The following UTY variants were observed in gnomAD, a reference collection of about 807,000 sequenced individuals.
The protein encoded by UTY is ubiquitously transcribed tetratricopeptide repeat containing, Y-linked, also known as histone demethylase UTY.
In UTY, 12 loss-of-function variants were observed where a neutral mutation model predicts 32.5. The observed-to-expected ratio is 0.37, with a 90% CI of 0.24 to 0.60. UTY has a LOEUF of 0.60. UTY is among the 20% of genes least tolerant of loss of function. UTY has a pLI of 0.69. For synonymous variants in UTY, 131 were observed against 103.4 expected (o/e 1.27, Z -1.62); for missense variants, 303 against 299.2 (o/e 1.01, Z -0.09).
intron 4 of UTY, among the ~76,000 whole-genome samples, chrY:13,424,830 A>C: frequency 2.9e-5 from 1 of 34,217 alleles, no homozygotes; most frequent in Non-Finnish European, 7.3e-5. Context: ...GCTAACAAAA[A>C]GAAAACTATG....
At chrY:13,439,522 C>CT (rs2074985710) in intron 4 of UTY, among the ~76,000 whole-genome samples, 1 of 33,204 alleles carries the variant, frequency 3.0e-5, no homozygotes. Flanking sequence ...AAGCTGCACA[C>CT]TGCGCACCAT....
At chrY:13,339,647 T>C in intron 17 of UTY, among the ~76,000 whole-genome samples, 1 of 32,721 alleles carries the variant, frequency 3.1e-5, no homozygotes, top group Non-Finnish European at 7.5e-5. Context: ...GCGGGAGGTG[T>C]GTGAAAGTGT....
chrY:13,342,859 C>A, intron 17 of UTY, among the ~76,000 whole-genome samples: 1 of 33,705 alleles, frequency 3.0e-5, no homozygotes, highest in Non-Finnish European at 7.4e-5. Flanking sequence ...CGAAAAGAGA[C>A]TGTTTGTAGC....
intron 28 of UTY, among the ~76,000 whole-genome samples, chrY:13,235,450 G>A: frequency 3.0e-5 from 1 of 33,788 alleles, no homozygotes; most frequent in Non-Finnish European, 7.4e-5. Flanking sequence ...TGGCCCTGTG[G>A]AGTGTGCAGC....
intron 28 of UTY, among the ~76,000 whole-genome samples, chrY:13,257,997 C>T: frequency 3.0e-5 from 1 of 33,448 alleles, no homozygotes; most frequent in African/African-American, 1.2e-4. Flanking sequence ...ATGGCTGACA[C>T]AGAGAACAAT....
chrY:13,473,010 G>GGCTGTGATTA (rs1286690316), intron 2 of UTY, among the ~76,000 whole-genome samples: 98 of 34,098 alleles, frequency 2.9e-3, no homozygotes, highest in Non-Finnish European at 5.5e-3. Context: ...TGTAATCCCA[G>GGCTGTGATTA]CACTTTGGGA....
chrY:13,279,665 T>G (rs2056899185), intron 27 of UTY, among the ~76,000 whole-genome samples: 1 of 33,367 alleles, frequency 3.0e-5, no homozygotes, highest in Non-Finnish European at 7.4e-5. Context: ...AACTCCTCAA[T>G]GCCCAGACAT....
chrY:13,330,866 T>C, intron 18 of UTY, among the ~76,000 whole-genome samples: 1 of 33,525 alleles, frequency 3.0e-5, no homozygotes, highest in African/African-American at 1.2e-4. Context: ...CCTTTGGCAG[T>C]GCTAAGGAGG....
chrY:13,393,760 A>G, intron 8 of UTY, 99 bp downstream of exon 8: 5 of 195,682 alleles, frequency 2.6e-5, no homozygotes, highest in East Asian at 1.2e-4. Context: ...ATCGTCTAAT[A>G]TATTTATTTC....
chrY:13,328,967 A>T, intron 18 of UTY, among the ~76,000 whole-genome samples: 1 of 33,715 alleles, frequency 3.0e-5, no homozygotes, highest in African/African-American at 1.2e-4. Context: ...TTGCAAAAAA[A>T]TTATCATCAC....
chrY:13,271,970 C>CAA (rs2148529637), intron 27 of UTY, among the ~76,000 whole-genome samples: 1 of 33,747 alleles, frequency 3.0e-5, no homozygotes, highest in Non-Finnish European at 7.4e-5. Flanking sequence ...GGAATGTAGA[C>CAA]AGTCTCAAGA....
rs2054010634 is a variant in UTY at position 13,249,813 on chromosome Y, C to T, written c.*43G>A. The stretch of plus-strand genomic sequence containing the variant: ...ACAAAACCAGTGGTGCAGAAATTTC[C>T]TGAAGAGCAGAAATAATCTCATTTA... On this transcript the variant is annotated 3_prime_UTR_variant, in exon 30 of 30. Coordinates refer to ENST00000545955, the MANE Select transcript of UTY (RefSeq NM_001258249.2). 2 of 225,702 alleles carry T rather than the reference C, an allele frequency of 8.9e-6. No homozygotes were observed. The highest frequency in any genetic ancestry group is 8.1e-5 in the African/African-American group (1 of 12,299). The allele number at this position is 225,702 out of a possible 400,897, so 56.3% of individuals were successfully genotyped here. A position where few individuals can be genotyped will look rare whatever the true frequency, so the allele number is the denominator to read the frequency against.
intron 8 of UTY, among the ~76,000 whole-genome samples, chrY:13,371,138 G>C (rs2064873226): frequency 3.1e-5 from 1 of 32,603 alleles, no homozygotes; most frequent in Non-Finnish European, 7.5e-5. Context: ...GGCCATATGT[G>C]ATAAGCCCTC....
chrY:13,372,237 A>C (rs2149361775), intron 8 of UTY, among the ~76,000 whole-genome samples: 1 of 33,613 alleles, frequency 3.0e-5, no homozygotes, highest in South Asian at 6.5e-4. Flanking sequence ...AGACTAAAAC[A>C]TGATAGTAAA....
intron 8 of UTY, 104 bp downstream of exon 8, chrY:13,393,755 C>T (rs776280325): frequency 1.1e-5 from 2 of 184,648 alleles, no homozygotes; most frequent in South Asian, 1.0e-4. Context: ...CTCAAATCGT[C>T]TAATATATTT....
chrY:13,478,587 A>C, intron 2 of UTY, among the ~76,000 whole-genome samples: 1 of 32,675 alleles, frequency 3.1e-5, no homozygotes, highest in South Asian at 6.9e-4. Flanking sequence ...AGGAGCAGCC[A>C]TTAACTAAAC....
At chrY:13,426,944 C>A (rs1603459503) in intron 4 of UTY, among the ~76,000 whole-genome samples, 1 of 32,973 alleles carries the variant, frequency 3.0e-5, no homozygotes, top group South Asian at 6.6e-4. Context: ...ACTGTAATTG[C>A]GGTAAATAAA....
At chrY:13,346,015 T>C in intron 17 of UTY, among the ~76,000 whole-genome samples, 2 of 33,130 alleles carry the variant, frequency 6.0e-5, no homozygotes, top group Non-Finnish European at 1.5e-4. Context: ...GGACCATCCG[T>C]AAAAATCTAG....
chrY:13,464,000 C>T (rs2077658281), intron 3 of UTY, among the ~76,000 whole-genome samples: 1 of 33,812 alleles, frequency 3.0e-5, no homozygotes, highest in South Asian at 6.4e-4. Flanking sequence ...GATGGATATG[C>T]AAAAATTTAT....
Sources: gnomAD v4.1 joint callset for allele counts (sites outside exome capture counted in the v4.1 genomes callset) on GRCh38, gnomAD v4.1.1 for gene constraint, MANE v1.5 for transcripts, NCBI Gene and HGNC (gene_info 2026-07-23, HGNC 2026-07-21) for gene names.